The following BTBD9 variants were observed in gnomAD, a reference collection of about 807,000 sequenced individuals.
BTBD9 encodes BTB domain containing 9.
A neutral mutation model predicts 64.3 loss-of-function variants in BTBD9; 49 were observed. That is an observed-to-expected ratio of 0.76 (90% CI 0.61 to 0.97). The LOEUF is 0.97. Ranked by LOEUF, BTBD9 falls within the 50% of genes least tolerant of loss-of-function variation. BTBD9 has a pLI of 0.00. For missense variants in BTBD9, 598 were observed against 762.1 expected (o/e 0.78, Z 2.53); for synonymous variants, 260 against 274.7 (o/e 0.95, Z 0.53).
At chr6:38,273,206 T>C (rs1040624359) in intron 8 of BTBD9, among the ~76,000 whole-genome samples, 8 of 152,232 alleles carry the variant, frequency 5.3e-5, no homozygotes, top group Admixed American at 2.6e-4. Context: ...TCTTGGTTCT[T>C]ACCACTATAA....
chr6:38,630,079 A>G (rs550463363), intron 1 of BTBD9, among the ~76,000 whole-genome samples: 32 of 149,426 alleles, frequency 2.1e-4, no homozygotes, highest in Non-Finnish European at 4.0e-4. Flanking sequence ...ATGGTGGTGC[A>G]TGCCTGTAAT....
intron 1 of BTBD9, among the ~76,000 whole-genome samples, chr6:38,599,555 T>C (rs569782656): frequency 3.3e-5 from 5 of 152,294 alleles, no homozygotes; most frequent in African/African-American, 4.8e-5. Context: ...AGCTCAGAGG[T>C]AGCCAGCTAC....
At chr6:38,450,118 G>T (rs1336970411) in intron 6 of BTBD9, among the ~76,000 whole-genome samples, 1 of 152,148 alleles carries the variant, frequency 6.6e-6, no homozygotes, top group Non-Finnish European at 1.5e-5. Context: ...CCTGTTATTT[G>T]GATAAGTCTG....
chr6:38,259,318 G>C (rs1434432552), intron 8 of BTBD9, among the ~76,000 whole-genome samples: 5 of 152,156 alleles, frequency 3.3e-5, no homozygotes, highest in Non-Finnish European at 7.3e-5. Flanking sequence ...CTTTGCACAA[G>C]TTCAGTTTAG....
chr6:38,438,126 T>C (rs1419415400), intron 6 of BTBD9, among the ~76,000 whole-genome samples: 1 of 150,612 alleles, frequency 6.6e-6, no homozygotes. Flanking sequence ...AGGATCTAGC[T>C]TGAAGAATAC....
intron 8 of BTBD9, among the ~76,000 whole-genome samples, chr6:38,277,259 A>C (rs547827447): frequency 3.3e-5 from 5 of 152,314 alleles, no homozygotes; most frequent in African/African-American, 1.2e-4. Flanking sequence ...ATATGAAACC[A>C]AACATATATA....
At chr6:38,617,704 A>G (rs1252864373) in intron 1 of BTBD9, among the ~76,000 whole-genome samples, 1 of 152,186 alleles carries the variant, frequency 6.6e-6, no homozygotes, top group Non-Finnish European at 1.5e-5. Flanking sequence ...AATGATGAGA[A>G]GTGAGGACAA....
rs138977190 is a variant in BTBD9 at position 38,453,108 on chromosome 6, T to A, written c.1155-108015A>T. On this transcript the variant is annotated intron_variant, in intron 6 of 10. Coordinates refer to ENST00000481247, the MANE Select transcript of BTBD9 (RefSeq NM_001099272.2). ...TCATAAGAAGACCACAGACAATAGTTTGAGTGAAAATTTATGCAAAGTAAC... is the reference window on the plus strand; with the variant it reads ...TCATAAGAAGACCACAGACAATAGTATGAGTGAAAATTTATGCAAAGTAAC... Among the ~76,000 whole-genome samples the A allele has an allele frequency of 1.1e-3, 161 of 152,248 alleles. 1 individual carries two copies. Among genetic ancestry groups the A allele is most frequent in the Non-Finnish European group, 2.0e-3 (136 of 67,980 alleles).
intron 6 of BTBD9, among the ~76,000 whole-genome samples, chr6:38,488,149 G>T (rs530863752): frequency 6.6e-6 from 1 of 152,026 alleles, no homozygotes; most frequent in South Asian, 2.1e-4. Context: ...TAGAGACAGT[G>T]TCTTGCTGTG....
intron 1 of BTBD9, among the ~76,000 whole-genome samples, chr6:38,604,060 G>A (rs1229604881): frequency 6.6e-6 from 1 of 152,190 alleles, no homozygotes; most frequent in Non-Finnish European, 1.5e-5. Context: ...CTAAGGAACA[G>A]GTGAAGACTG....
chr6:38,594,752 G>C (rs1409105940), intron 2 of BTBD9, among the ~76,000 whole-genome samples: 3 of 152,144 alleles, frequency 2.0e-5, no homozygotes, highest in Non-Finnish European at 4.4e-5. Context: ...AAATTAAAAG[G>C]CTTGTTAATA....
chr6:38,498,457 T>TAAAAAA (rs11393821), intron 6 of BTBD9, among the ~76,000 whole-genome samples: 9 of 132,620 alleles, frequency 6.8e-5, no homozygotes, highest in Admixed American at 7.6e-5. Context: ...TATCTAGTAC[T>TAAAAAA]AAAAAAAAAA....
chr6:38,597,721 G>A (rs1191098665), intron 2 of BTBD9, among the ~76,000 whole-genome samples, 189 bp downstream of exon 2: 2 of 152,126 alleles, frequency 1.3e-5, no homozygotes, highest in African/African-American at 4.8e-5. Context: ...TAATTTTAAG[G>A]TGGCTCCTAA....
chr6:38,198,889 A>G (rs900149989), intron 9 of BTBD9, among the ~76,000 whole-genome samples: 3 of 152,248 alleles, frequency 2.0e-5, no homozygotes, highest in African/African-American at 7.2e-5. Context: ...GTCTCTCTGC[A>G]TCGGCACCTC....
rs1582053813 is a variant in BTBD9 at position 38,209,435 on chromosome 6, GAACT to G, written c.1563-16842_1563-16839del. On this transcript the variant is annotated intron_variant, in intron 9 of 10. Coordinates refer to ENST00000481247, the MANE Select transcript of BTBD9 (RefSeq NM_001099272.2). ...GAGACAGGTACAGCTGAGGACATAAGAACTAACTACAGTCCTCACTTCCTGCTGC... is the reference window on the plus strand; with the variant it reads ...GAGACAGGTACAGCTGAGGACATAAGAACTACAGTCCTCACTTCCTGCTGC... Among the ~76,000 whole-genome samples, 3 of 152,210 alleles carry G rather than the reference GAACT, an allele frequency of 2.0e-5. No homozygotes were observed. The East Asian group carries it at 5.8e-4, about 29-fold the overall frequency.
intron 6 of BTBD9, among the ~76,000 whole-genome samples, chr6:38,411,856 G>T (rs1265852863): frequency 6.6e-6 from 1 of 152,052 alleles, no homozygotes; most frequent in Non-Finnish European, 1.5e-5. Context: ...AAGATCGATA[G>T]AACCCAGGAG....
chr6:38,173,272 G>A lies in BTBD9; in HGVS notation c.*1713C>T, dbSNP rs370916133. 1.3e-5 allele frequency: 2 copies of A among 152,350 alleles called. No homozygotes were observed. Among genetic ancestry groups the A allele is most frequent in the East Asian group, 3.9e-4 (2 of 5,176 alleles). 9.4% of individuals were successfully genotyped at this position (152,350 alleles called of 1,614,324 possible). A position where few individuals can be genotyped will look rare whatever the true frequency, so the allele number is the denominator to read the frequency against. Reference sequence around the variant, plus strand: ...AGCGGGCGCCCACCGTTCCTTACAGGAGCCTCCTCCCATTATGAAATGCCT... The same window carrying A: ...AGCGGGCGCCCACCGTTCCTTACAGAAGCCTCCTCCCATTATGAAATGCCT... On this transcript the variant is annotated 3_prime_UTR_variant, in exon 11 of 11. Coordinates refer to ENST00000481247, the MANE Select transcript of BTBD9 (RefSeq NM_001099272.2).
chr6:38,532,669 G>C (rs1047943889), intron 6 of BTBD9, among the ~76,000 whole-genome samples: 1 of 152,016 alleles, frequency 6.6e-6, no homozygotes, highest in Non-Finnish European at 1.5e-5. Context: ...GACATGTCTA[G>C]ATGTACCCTG....
intron 6 of BTBD9, among the ~76,000 whole-genome samples, chr6:38,435,260 G>A (rs978742097): frequency 3.3e-5 from 5 of 151,538 alleles, no homozygotes; most frequent in Non-Finnish European, 5.9e-5. Context: ...ACTAATGCAG[G>A]CTACTGTATC....
Sources: allele counts gnomAD v4.1 joint callset (sites outside exome capture counted in the v4.1 genomes callset), GRCh38; gene constraint gnomAD v4.1.1; transcripts MANE v1.5; gene names NCBI Gene and HGNC (gene_info 2026-07-23, HGNC 2026-07-21).